ZNF568: variants seen among roughly 807,000 people sequenced by gnomAD.
ZNF568 encodes zinc finger protein 568.
ZNF568 carries 11 observed loss-of-function variants against 18.1 expected under a neutral mutation model. The ratio of observed to expected loss-of-function variants is 0.61; its 90% confidence interval spans 0.38 to 1.00. ZNF568 has a LOEUF of 1.00. Among genes scored for constraint, ZNF568 ranks in the 50% least tolerant of loss-of-function variants. The pLI is 0.01. For synonymous variants in ZNF568, 213 were observed against 246.6 expected, an observed-to-expected ratio of 0.86 and a Z score of 1.28; for missense variants, 639 against 768.2, an observed-to-expected ratio of 0.83 and a Z score of 1.99.
chr19:36,953,085 C>T (rs2074080818), downstream of ZNF568, among the ~76,000 whole-genome samples: 1 of 152,098 alleles, frequency 6.6e-6, no homozygotes, highest in Non-Finnish European at 1.5e-5. Context: ...TTTTTATTTA[C>T]TAGCTCCGGG....
downstream of ZNF568, among the ~76,000 whole-genome samples, chr19:36,981,485 T>C (rs977023988): frequency 6.6e-6 from 1 of 152,206 alleles, no homozygotes; most frequent in East Asian, 1.9e-4. Context: ...GTGGAATGGT[T>C]TTCAATAAAT....
intron 4 of ZNF568, among the ~76,000 whole-genome samples, chr19:36,929,179 T>C (rs2073637971): frequency 6.6e-6 from 1 of 152,176 alleles, no homozygotes; most frequent in Non-Finnish European, 1.5e-5. Flanking sequence ...AACTGACTTG[T>C]AGTTATCTTT....
chr19:36,974,895 C>T (rs1447889280), intron 7 of ZNF568, among the ~76,000 whole-genome samples: 4 of 143,990 alleles, frequency 2.8e-5, no homozygotes, highest in Non-Finnish European at 4.5e-5. Flanking sequence ...GGTGTGATCT[C>T]AGCTCACTGC....
chr19:36,928,123 C>G (rs2073616271), intron 4 of ZNF568, among the ~76,000 whole-genome samples: 1 of 150,594 alleles, frequency 6.6e-6, no homozygotes, highest in Non-Finnish European at 1.5e-5. Flanking sequence ...GCCATGTTGG[C>G]CAGGCTGACC....
intron 4 of ZNF568, among the ~76,000 whole-genome samples, chr19:36,927,227 A>G (rs2073571101): frequency 6.6e-6 from 1 of 152,204 alleles, no homozygotes; most frequent in South Asian, 2.1e-4. Context: ...ATTAATATTT[A>G]GTAGTCTTTT....
exon 5 of ZNF568, chr19:36,996,530 C>G: frequency 6.5e-7 from 1 of 1,536,184 alleles, no homozygotes; most frequent in Non-Finnish European, 8.7e-7. Flanking sequence ...TGGCTTCATA[C>G]TGGAGAGAAA....
chr19:36,962,277 G>GTTT (rs71177418), intron 6 of ZNF568, among the ~76,000 whole-genome samples: 666 of 44,576 alleles, frequency 0.015, 14 homozygotes, highest in East Asian at 0.039. Flanking sequence ...GTGTTGCAGT[G>GTTT]TTTTTTTTTT....
chr19:36,943,361 C>T (rs1383020027), intron 6 of ZNF568, among the ~76,000 whole-genome samples: 2 of 152,022 alleles, frequency 1.3e-5, no homozygotes, highest in Admixed American at 1.3e-4. Flanking sequence ...AGCTGAAATT[C>T]TCCCAAAGAG....
At chr19:36,940,720 G>A (rs2073865860) in intron 6 of ZNF568, among the ~76,000 whole-genome samples, 1 of 152,146 alleles carries the variant, frequency 6.6e-6, no homozygotes, top group South Asian at 2.1e-4. Flanking sequence ...CACCTAGAAA[G>A]TTTTAAGAGA....
At chr19:36,949,064 T>C (rs1340360688) in intron 6 of ZNF568, among the ~76,000 whole-genome samples, 2 of 152,216 alleles carry the variant, frequency 1.3e-5, no homozygotes, top group Non-Finnish European at 2.9e-5. Flanking sequence ...CTCCTTTTTC[T>C]TATGGATTTA....
At chr19:36,926,785 G>T (rs558966446) in intron 4 of ZNF568, among the ~76,000 whole-genome samples, 18 of 152,192 alleles carry the variant, frequency 1.2e-4, no homozygotes, top group African/African-American at 3.9e-4. Flanking sequence ...ATTATTATCA[G>T]ACGTCTATGA....
intron 6 of ZNF568, among the ~76,000 whole-genome samples, chr19:36,968,308 C>T (rs2074209436): frequency 6.6e-6 from 1 of 152,028 alleles, no homozygotes; most frequent in South Asian, 2.1e-4. Flanking sequence ...GGTGCAGTGG[C>T]TCACACCTGT....
intron 6 of ZNF568, among the ~76,000 whole-genome samples, chr19:36,944,671 C>T (rs1300745652): frequency 6.6e-6 from 1 of 152,136 alleles, no homozygotes; most frequent in African/African-American, 2.4e-5. Flanking sequence ...CGCCATCCCT[C>T]TTTCTCCCCA....
chr19:36,961,677 G>T (rs1490088926), intron 6 of ZNF568, among the ~76,000 whole-genome samples: 3 of 151,964 alleles, frequency 2.0e-5, no homozygotes, highest in African/African-American at 7.3e-5. Flanking sequence ...GCATGCGCTG[G>T]CACGCCTGGC....
intron 6 of ZNF568, among the ~76,000 whole-genome samples, chr19:36,963,548 A>G (rs187005928): frequency 1.3e-5 from 2 of 152,310 alleles, no homozygotes; most frequent in East Asian, 3.9e-4. Context: ...CAGCAATATG[A>G]ACAGCGTTTT....
chr19:36,922,344 A>G (rs2073471265), intron 2 of ZNF568, among the ~76,000 whole-genome samples: 1 of 152,180 alleles, frequency 6.6e-6, no homozygotes. Flanking sequence ...CTCAACATCC[A>G]TGATCCAAAT....
At chr19:36,994,698 G>A (rs2074454659) in intron 4 of ZNF568, among the ~76,000 whole-genome samples, 1 of 152,048 alleles carries the variant, frequency 6.6e-6, no homozygotes, top group Non-Finnish European at 1.5e-5. Context: ...CTGAGATGGA[G>A]TCTAGTGTTG....
downstream of ZNF568, among the ~76,000 whole-genome samples, chr19:36,982,562 C>T (rs114890446): frequency 6.6e-5 from 10 of 152,018 alleles, no homozygotes; most frequent in Admixed American, 2.0e-4. Flanking sequence ...AAAAATTAGC[C>T]GAGCGAGGTG....
intron 6 of ZNF568, among the ~76,000 whole-genome samples, chr19:36,961,576 G>T (rs900120581): frequency 6.6e-6 from 1 of 152,100 alleles, no homozygotes; most frequent in South Asian, 2.1e-4. Flanking sequence ...GCCCAGGCTG[G>T]AGTGCAATGG....
Sources: allele counts gnomAD v4.1 joint callset (sites outside exome capture counted in the v4.1 genomes callset), GRCh38; gene constraint gnomAD v4.1.1; transcripts MANE v1.5; gene names NCBI Gene and HGNC (gene_info 2026-07-23, HGNC 2026-07-21).